Variants in LRRC4C observed in about 807,000 individuals in gnomAD.
LRRC4C encodes leucine rich repeat containing 4C, also known as leucine-rich repeat-containing protein 4C.
LRRC4C carries 5 observed loss-of-function variants against 33.6 expected under a neutral mutation model. The observed-to-expected ratio is 0.15, with a 90% CI of 0.08 to 0.31. LRRC4C has a LOEUF of 0.31. Ranked by LOEUF, LRRC4C falls within the 10% of genes least tolerant of loss-of-function variation. The pLI, the probability that LRRC4C is intolerant of heterozygous loss-of-function variation, is 1.00. For missense variants in LRRC4C, 560 were observed against 796.7 expected (o/e 0.70, Z 3.58); for synonymous variants, 329 against 302.0 (o/e 1.09, Z -0.93).
At chr11:40,601,307 C>T (rs1383482950) in intron 3 of LRRC4C, among the ~76,000 whole-genome samples, 1 of 152,170 alleles carries the variant, frequency 6.6e-6, no homozygotes, top group Non-Finnish European at 1.5e-5. Flanking sequence ...TAAGTACTAC[C>T]AGCTCTTCAC....
chr11:41,401,323 G>C (rs1954017246), intron 1 of LRRC4C, among the ~76,000 whole-genome samples: 1 of 151,916 alleles, frequency 6.6e-6, no homozygotes, highest in African/African-American at 2.4e-5. Context: ...GGTTACCATA[G>C]ATTACAGACT....
At chr11:40,332,345 G>A (rs1476409881) in intron 3 of LRRC4C, among the ~76,000 whole-genome samples, 2 of 151,812 alleles carry the variant, frequency 1.3e-5, no homozygotes, top group African/African-American at 4.8e-5. Context: ...TCTTCATATG[G>A]CCTTCCTCCC....
chr11:40,843,269 C>A (rs565232765), intron 2 of LRRC4C, among the ~76,000 whole-genome samples: 2 of 152,232 alleles, frequency 1.3e-5, no homozygotes, highest in African/African-American at 4.8e-5. Context: ...ACTCTCAGTC[C>A]TTTAATACCA....
rs564321923 is a variant in LRRC4C at position 41,132,147 on chromosome 11, C to T, written c.-495-198424G>A. On this transcript the variant is annotated intron_variant, in intron 1 of 6. Coordinates refer to ENST00000528697, the MANE Select transcript of LRRC4C (RefSeq NM_001258419.2). ...CCAAAAACCCTCTTGGAGTCTGGAT[C>T]AGACCCTTTTCCAGTAACAATATCT... Among the ~76,000 whole-genome samples, 130 of 152,224 alleles carry T rather than the reference C, an allele frequency of 8.5e-4. 3 individuals carry two copies. In the South Asian group the frequency reaches 0.027, roughly 32 times the overall value.
chr11:40,311,918 C>G (rs1379326372), intron 4 of LRRC4C, among the ~76,000 whole-genome samples: 2 of 136,860 alleles, frequency 1.5e-5, no homozygotes, highest in Admixed American at 8.8e-5. Flanking sequence ...GCACTCCAGC[C>G]TGGAGACAGA....
chr11:40,153,081 G>A (rs1156993549), intron 5 of LRRC4C, among the ~76,000 whole-genome samples: 5 of 152,126 alleles, frequency 3.3e-5, no homozygotes, highest in South Asian at 2.1e-4. Context: ...TGATATTCAT[G>A]ACTGAGAGAC....
intron 2 of LRRC4C, among the ~76,000 whole-genome samples, chr11:40,911,734 G>A (rs767033902): frequency 3.3e-5 from 5 of 152,134 alleles, no homozygotes; most frequent in South Asian, 4.1e-4. Context: ...GGCTTCAGAC[G>A]ATCAAACTAC....
intron 1 of LRRC4C, among the ~76,000 whole-genome samples, chr11:41,349,709 A>G (rs1159867233): frequency 2.6e-5 from 4 of 152,200 alleles, no homozygotes; most frequent in African/African-American, 7.2e-5. Context: ...ATCAGCCTAC[A>G]CAGATGAGAA....
chr11:40,832,845 T>G (rs4631865), intron 2 of LRRC4C, among the ~76,000 whole-genome samples: 91,373 of 151,970 alleles, frequency 0.6, 32,041 homozygotes, highest in East Asian at 0.86. Context: ...TTAAAAAAGT[T>G]ATAATGCTAT....
At chr11:40,330,340 CA>C (rs1396750510) in intron 3 of LRRC4C, among the ~76,000 whole-genome samples, 1 of 152,042 alleles carries the variant, frequency 6.6e-6, no homozygotes, top group Non-Finnish European at 1.5e-5. Flanking sequence ...TTTTAATTAA[CA>C]TATAATAATT....
chr11:40,958,284 AC>A lies in LRRC4C; in HGVS notation c.-495-24562del, dbSNP rs1177494249. Among the ~76,000 whole-genome samples the A allele has an allele frequency of 5.3e-5, 8 of 151,884 alleles. No individual in the cohort carries two copies. In the East Asian group the frequency reaches 1.6e-3, roughly 30 times the overall value. On this transcript the variant is annotated intron_variant, in intron 1 of 6. Transcript: ENST00000528697. ...ATTTAATTAACTTCTTTATGCTCTCACTTTTTTCAACTGTAAAATAGGGATG... is the reference window on the plus strand; with the variant it reads ...ATTTAATTAACTTCTTTATGCTCTCATTTTTTCAACTGTAAAATAGGGATG...
At chr11:41,140,990 C>T (rs537526091) in intron 1 of LRRC4C, among the ~76,000 whole-genome samples, 7 of 152,010 alleles carry the variant, frequency 4.6e-5, no homozygotes, top group African/African-American at 9.7e-5. Context: ...TTTTATACAA[C>T]GGGAGTAAGA....
rs559186852 is a variant in LRRC4C at position 40,348,685 on chromosome 11, G to T, written c.-269-28964C>A. 9.4e-4 allele frequency among the ~76,000 whole-genome samples: 143 copies of T among 152,272 alleles called. 1 individual carries two copies. In the South Asian group the frequency reaches 9.7e-3, roughly 10 times the overall value. On this transcript the variant is annotated intron_variant, in intron 3 of 6. Coordinates refer to ENST00000528697, the MANE Select transcript of LRRC4C (RefSeq NM_001258419.2). The stretch of plus-strand genomic sequence containing the variant: ...TCACCAAAACCCATGCAAACTAAAA[G>T]ATGTGATAATCCAAATCTGTAACTC...
At position 41,221,909 on chromosome 11, in the gene LRRC4C, TC is replaced by T. The variant is rs531738614; in HGVS notation, c.-496+237521del. 6.8e-4 allele frequency among the ~76,000 whole-genome samples: 104 copies of T among 152,284 alleles called. 2 individuals are homozygous for T. In the South Asian group the frequency reaches 0.021, roughly 31 times the overall value. ...GCCTGAATTTGTACTTATTTCTTCTTCTAGGGCACGCTACATCTTAAGAACT... is the reference window on the plus strand; with the variant it reads ...GCCTGAATTTGTACTTATTTCTTCTTTAGGGCACGCTACATCTTAAGAACT... On this transcript the variant is annotated intron_variant, in intron 1 of 6. Coordinates refer to ENST00000528697, the MANE Select transcript of LRRC4C (RefSeq NM_001258419.2).
At chr11:41,132,991 T>A (rs1474548413) in intron 1 of LRRC4C, among the ~76,000 whole-genome samples, 1 of 152,142 alleles carries the variant, frequency 6.6e-6, no homozygotes, top group African/African-American at 2.4e-5. Context: ...GTGATAGAGA[T>A]CACAATTTTT....
chr11:41,194,293 C>A (rs1946088742), intron 1 of LRRC4C, among the ~76,000 whole-genome samples: 1 of 152,012 alleles, frequency 6.6e-6, no homozygotes, highest in Non-Finnish European at 1.5e-5. Context: ...GGATTTTCAA[C>A]TGTGTGGAGG....
intron 6 of LRRC4C, among the ~76,000 whole-genome samples, chr11:40,117,018 C>T (rs529900865): frequency 6.6e-6 from 1 of 152,192 alleles, no homozygotes; most frequent in Non-Finnish European, 1.5e-5. Flanking sequence ...CCTTACAACA[C>T]TTCTCTGAAG....
chr11:40,758,648 T>G (rs1430252576), intron 2 of LRRC4C, among the ~76,000 whole-genome samples: 2 of 151,918 alleles, frequency 1.3e-5, no homozygotes, highest in Non-Finnish European at 1.5e-5. Flanking sequence ...TCTCTAAGAC[T>G]CTAGAAAAAG....
At chr11:40,206,805 CA>C (rs34524286) in intron 5 of LRRC4C, among the ~76,000 whole-genome samples, 43,828 of 151,882 alleles carry the variant, frequency 0.29, 7,218 homozygotes, top group South Asian at 0.43. Flanking sequence ...GGGGAAGGAC[CA>C]AATTTGCATT....
Sources: allele counts gnomAD v4.1 joint callset (sites outside exome capture counted in the v4.1 genomes callset), GRCh38; gene constraint gnomAD v4.1.1; transcripts MANE v1.5; gene names NCBI Gene and HGNC (gene_info 2026-07-23, HGNC 2026-07-21).